The following RYR3 variants were observed in gnomAD, a reference collection of about 807,000 sequenced individuals.
RYR3 encodes ryanodine receptor 3.
RYR3 carries 207 observed loss-of-function variants against 584.3 expected under a neutral mutation model. The ratio of observed to expected loss-of-function variants is 0.35; its 90% CI spans 0.32 to 0.40. The LOEUF is 0.40. RYR3 is among the 10% of genes least tolerant of loss of function. RYR3 has a pLI of 1.00. For missense variants in RYR3, 5,616 were observed against 6,089.2 expected, an observed-to-expected ratio of 0.92 and a Z score of 2.59; for synonymous variants, 2,416 against 2,248.5, an observed-to-expected ratio of 1.07 and a Z score of -2.11.
intron 69 of RYR3, among the ~76,000 whole-genome samples, chr15:33,803,794 C>T (rs941561261): frequency 5.9e-5 from 9 of 152,208 alleles, no homozygotes; most frequent in Non-Finnish European, 7.3e-5. Flanking sequence ...GGATTACAGG[C>T]GTGAGCCACA....
chr15:33,355,627 G>A (rs1198128221), intron 1 of RYR3, among the ~76,000 whole-genome samples: 1 of 152,174 alleles, frequency 6.6e-6, no homozygotes, highest in Non-Finnish European at 1.5e-5. Flanking sequence ...TAATTTTAAA[G>A]AGCCTTTAAT....
At chr15:33,324,914 A>G (rs912122452) in intron 1 of RYR3, among the ~76,000 whole-genome samples, 1 of 152,206 alleles carries the variant, frequency 6.6e-6, no homozygotes, top group Admixed American at 6.5e-5. Flanking sequence ...GGCTTATAGG[A>G]TGCCAGCTTG....
intron 42 of RYR3, among the ~76,000 whole-genome samples, 195 bp downstream of exon 42, chr15:33,701,275 G>T (rs566967937): frequency 2.0e-5 from 3 of 152,314 alleles, no homozygotes; most frequent in African/African-American, 4.8e-5. Context: ...GTGAACACAG[G>T]TAGCCAACTT....
chr15:33,768,778 G>T (rs1005196492), intron 61 of RYR3, 71 bp downstream of exon 61: 63 of 1,478,632 alleles, frequency 4.3e-5, no homozygotes, highest in African/African-American at 6.9e-5. Flanking sequence ...GCCTTTATTT[G>T]TGTCTTCCTC....
At chr15:33,411,423 C>T (rs563418986) in intron 1 of RYR3, among the ~76,000 whole-genome samples, 5 of 152,260 alleles carry the variant, frequency 3.3e-5, no homozygotes, top group South Asian at 4.1e-4. Flanking sequence ...CAAATCTATA[C>T]GTTCTTTTCA....
intron 8 of RYR3, among the ~76,000 whole-genome samples, chr15:33,545,063 A>T (rs557018807): frequency 2.0e-5 from 3 of 152,282 alleles, no homozygotes; most frequent in African/African-American, 7.2e-5. Flanking sequence ...TGAATAACTA[A>T]GATTTTATGA....
At position 33,662,706 on chromosome 15, in the gene RYR3, C is replaced by G; in HGVS notation, c.5176C>G (p.Leu1726Val). 5.0e-6 allele frequency: 8 copies of G among 1,614,172 alleles called. No homozygotes were observed. The highest frequency in any genetic ancestry group is 6.8e-6 in the Non-Finnish European group (8 of 1,180,032). Residue 1726 changes from leucine (L) to valine (V), a missense_variant, in exon 35 of 104, where the codon CTG (leucine) becomes GTG (valine). By Grantham distance (32) the Leu-to-Val change is conservative. This residue lies in a region of RYR3 where 753 missense variants were observed against 741.0 expected (regional missense o/e 1.02). Coordinates refer to ENST00000634891, the MANE Select transcript of RYR3 (RefSeq NM_001036.6). ...TGTGGAGTTCCAGTTTGTGCCTGTG[C>G]TGAAACTCATTGGAACCCTGCTGGT... The part of the protein sequence containing the change: ...GSVEFQFVPV[L>V]KLIGTLLVMG...
chr15:33,787,103 C>A (rs557214521), intron 66 of RYR3, among the ~76,000 whole-genome samples: 20 of 152,296 alleles, frequency 1.3e-4, no homozygotes, highest in Admixed American at 3.9e-4. Context: ...ACGTGAAGGC[C>A]ACTGATGGAA....
Position 33,496,518 on chromosome 15 carries a change from TC to T in RYR3, c.172-7112del, listed in dbSNP as rs376037474. On this transcript the variant is annotated intron_variant, in intron 2 of 103. Coordinates refer to ENST00000634891, the MANE Select transcript of RYR3 (RefSeq NM_001036.6). ...GACATCCTCATATATGCGCTCTTTT[TC>T]TTTGAGGAGATGAGAGAAAAAGCAA... Among the ~76,000 whole-genome samples, 46 of 152,242 alleles carry T rather than the reference TC, an allele frequency of 3.0e-4. No individual in the cohort carries two copies. The East Asian group carries it at 7.7e-3, about 26-fold the overall frequency.
chr15:33,492,928 C>CT, intron 2 of RYR3, among the ~76,000 whole-genome samples: 1 of 152,262 alleles, frequency 6.6e-6, no homozygotes, highest in South Asian at 2.1e-4. Context: ...ATACCACTGC[C>CT]TTGGTAATAG....
intron 3 of RYR3, among the ~76,000 whole-genome samples, chr15:33,519,472 G>A (rs78213258): frequency 4.6e-5 from 7 of 152,200 alleles, no homozygotes; most frequent in East Asian, 3.9e-4. Flanking sequence ...AGTGCTTGCC[G>A]ACTGCATGCA....
chr15:33,586,678 A>G (rs1466391498), intron 16 of RYR3, among the ~76,000 whole-genome samples: 1 of 152,172 alleles, frequency 6.6e-6, no homozygotes, highest in South Asian at 2.1e-4. Context: ...CAGTTATGTC[A>G]TCTGTAAAAT....
At chr15:33,851,259 AGAGAAAT>A (rs1478555342) in intron 94 of RYR3, 2 of 152,188 alleles carry the variant, frequency 1.3e-5, no homozygotes, top group East Asian at 3.8e-4. Context: ...TAGACCCAGG[AGAGAAAT>A]TTGCTGAATA....
chr15:33,654,787 A>G (rs1194691427), intron 32 of RYR3, among the ~76,000 whole-genome samples: 1 of 152,252 alleles, frequency 6.6e-6, no homozygotes, highest in African/African-American at 2.4e-5. Flanking sequence ...TTACCTAACT[A>G]TAGCAAATTA....
chr15:33,772,229 A>T, intron 63 of RYR3, 71 bp downstream of exon 63: 2 of 894,968 alleles, frequency 2.2e-6, no homozygotes, highest in Non-Finnish European at 3.6e-6. Context: ...GGGCCCATTC[A>T]CTTACATTGA....
chr15:33,846,332 G>A (rs1475376417), intron 93 of RYR3, among the ~76,000 whole-genome samples: 1 of 152,192 alleles, frequency 6.6e-6, no homozygotes, highest in Non-Finnish European at 1.5e-5. Context: ...GCATGGTAGA[G>A]GGGAGAGGCA....
chr15:33,669,831 G>GGTGTGT (rs200233523), intron 37 of RYR3, among the ~76,000 whole-genome samples: 1 of 51,106 alleles, frequency 2.0e-5, no homozygotes, highest in Non-Finnish European at 3.9e-5. Context: ...AGCTATTAGG[G>GGTGTGT]GTGTGTGTGT....
At chr15:33,590,181 A>G (rs1333974726) in intron 16 of RYR3, among the ~76,000 whole-genome samples, 6 of 152,208 alleles carry the variant, frequency 3.9e-5, no homozygotes, top group Admixed American at 3.9e-4. Flanking sequence ...TGGGGCAGGA[A>G]CAAATCACAA....
intron 2 of RYR3, among the ~76,000 whole-genome samples, chr15:33,491,575 T>C (rs1407351220): frequency 6.6e-6 from 1 of 152,178 alleles, no homozygotes; most frequent in Non-Finnish European, 1.5e-5. Flanking sequence ...CCATTATGTA[T>C]TGGAGATAAC....
Sources: allele counts gnomAD v4.1 joint callset (sites outside exome capture counted in the v4.1 genomes callset), GRCh38; gene constraint gnomAD v4.1.1; regional missense constraint gnomAD v4.1.1; transcripts MANE v1.5; gene names NCBI Gene and HGNC (gene_info 2026-07-23, HGNC 2026-07-21).